Variants in RCAN3 observed in about 807,000 individuals in gnomAD.
RCAN3 encodes regulator of calcineurin 3, also known as calcipressin-3.
In RCAN3, 19 loss-of-function variants were observed where a neutral mutation model predicts 21.9. The ratio of observed to expected loss-of-function variants is 0.87; its 90% CI spans 0.61 to 1.27. The LOEUF is 1.27. Among genes scored for constraint, RCAN3 ranks in the 50% most tolerant of loss-of-function variants. The probability of loss-of-function intolerance (pLI) is 0.00; values close to 1 mark genes in which losing one functional copy is unlikely to be tolerated. For synonymous variants in RCAN3, 114 were observed against 112.3 expected (o/e 1.01, Z -0.09); for missense variants, 240 against 300.1 (o/e 0.80, Z 1.48).
Position 24,538,192 on chromosome 1 carries a change from A to C in RCAN3, c.*2915A>C, listed in dbSNP as rs977584249. ...TTCCAGTGAGCATCTCTGAGGTTTA[A>C]GGTACTAAGAGGCAGAAGTGGATAG... On this transcript the variant is annotated 3_prime_UTR_variant, in exon 5 of 5. Coordinates refer to ENST00000374395, the MANE Select transcript of RCAN3 (RefSeq NM_013441.4). The C allele has an allele frequency of 6.6e-6, 1 of 152,164 alleles. No individual in the cohort carries two copies. The highest frequency in any genetic ancestry group is 2.1e-4 in the South Asian group (1 of 4,826). 9.4% of individuals were successfully genotyped at this position (152,164 alleles called of 1,614,324 possible).
At chr1:24,528,401 G>A (rs1649452063) in intron 2 of RCAN3, among the ~76,000 whole-genome samples, 1 of 152,114 alleles carries the variant, frequency 6.6e-6, no homozygotes, top group Non-Finnish European at 1.5e-5. Context: ...GTCAAACTGT[G>A]TTTATTTACA....
chr1:24,539,742 G>C lies in RCAN3; in HGVS notation c.*4465G>C, dbSNP rs1650409073. The stretch of plus-strand genomic sequence containing the variant: ...CAGTGGAAAATGTGCTCAATGCTAT[G>C]GTGCGTCAGGCCCTCTGTCTACCAG... On this transcript the variant is annotated 3_prime_UTR_variant, in exon 5 of 5. Transcript: ENST00000374395. 1 of 152,198 alleles carries C rather than the reference G, an allele frequency of 6.6e-6. No homozygotes were observed. Among genetic ancestry groups the C allele is most frequent in the South Asian group, 2.1e-4 (1 of 4,822 alleles). The allele number at this position is 152,198 out of a possible 1,614,324, so 9.4% of individuals were successfully genotyped here. A position where few individuals can be genotyped will look rare whatever the true frequency, so the allele number is the denominator to read the frequency against.
intron 3 of RCAN3, among the ~76,000 whole-genome samples, chr1:24,532,588 T>C (rs1649852902): frequency 6.6e-6 from 1 of 151,878 alleles, no homozygotes; most frequent in African/African-American, 2.4e-5. Flanking sequence ...GGCCATGTGC[T>C]GTACACTGAG....
At chr1:24,533,634 T>C (rs1357422551) in intron 4 of RCAN3, among the ~76,000 whole-genome samples, 1 of 152,108 alleles carries the variant, frequency 6.6e-6, no homozygotes, top group Non-Finnish European at 1.5e-5. Flanking sequence ...ACCCCGTCTC[T>C]ACTAAAATAT....
At chr1:24,523,635 C>CAT (rs1196241572) in intron 2 of RCAN3, among the ~76,000 whole-genome samples, 2 of 139,708 alleles carry the variant, frequency 1.4e-5, no homozygotes, top group African/African-American at 2.8e-5. Context: ...CACACACACA[C>CAT]ACACACATAT....
chr1:24,521,563 T>C (rs1000764715), intron 2 of RCAN3, among the ~76,000 whole-genome samples: 1 of 152,138 alleles, frequency 6.6e-6, no homozygotes, highest in Non-Finnish European at 1.5e-5. Context: ...AAAGTATCAT[T>C]TAGGCTGGGC....
intron 2 of RCAN3, among the ~76,000 whole-genome samples, chr1:24,524,473 A>G (rs1384925700): frequency 2.0e-5 from 3 of 152,224 alleles, no homozygotes; most frequent in Non-Finnish European, 2.9e-5. Flanking sequence ...GAATTTTACA[A>G]GTACTCAGAT....
rs1650297906 is a variant in RCAN3, at chr1:24,537,563, G to A, written c.*2286G>A. 1 of 151,140 alleles carries A rather than the reference G, an allele frequency of 6.6e-6. No homozygotes were observed. Among genetic ancestry groups the A allele is most frequent in the African/African-American group, 2.4e-5 (1 of 41,052 alleles). The allele number at this position is 151,140 out of a possible 1,614,324, so 9.4% of individuals were successfully genotyped here. ...CATGGTTTTTTTTTTCTTTTAATAGGCTTTTCTGCAATTTTTTTGAAATTG... is the reference window on the plus strand; with the variant it reads ...CATGGTTTTTTTTTTCTTTTAATAGACTTTTCTGCAATTTTTTTGAAATTG... On this transcript the variant is annotated 3_prime_UTR_variant, in exon 5 of 5. Coordinates refer to ENST00000374395, the MANE Select transcript of RCAN3 (RefSeq NM_013441.4).
intron 1 of RCAN3, among the ~76,000 whole-genome samples, chr1:24,511,409 G>A (rs1477878206): frequency 6.6e-6 from 1 of 151,760 alleles, no homozygotes; most frequent in Non-Finnish European, 1.5e-5. Flanking sequence ...GAACACCCAC[G>A]ACGTGTATTC....
chr1:24,524,825 TTTG>T (rs1649123747), intron 2 of RCAN3, among the ~76,000 whole-genome samples: 1 of 112,752 alleles, frequency 8.9e-6, no homozygotes, highest in African/African-American at 4.5e-5. Flanking sequence ...TTTGTTTTCT[TTTG>T]TTTTTTTTTT....
chr1:24,532,948 CAAAAAAAAAAAAA>C (rs756973308), intron 3 of RCAN3, 122 bp from the exon 4 acceptor site: 15 of 93,222 alleles, frequency 1.6e-4, no homozygotes, highest in Non-Finnish European at 1.9e-4. Flanking sequence ...GACTCCGTCT[CAAAAAAAAAAAAA>C]AAAAAAAAAA....
rs1650139397 is a variant in RCAN3, at chr1:24,535,230, C to G, written c.679C>G (p.Pro227Ala). 1.3e-6 allele frequency: 2 copies of G among 1,583,386 alleles called. No individual in the cohort carries two copies. The highest frequency in any genetic ancestry group is 1.7e-6 in the Non-Finnish European group (2 of 1,169,884). The change falls in exon 5 of 5, where the codon CCG (proline) becomes GCG (alanine). Residue 227 changes from proline (P) to alanine (A), a missense_variant. Coordinates refer to ENST00000374395, the MANE Select transcript of RCAN3 (RefSeq NM_013441.4). ...KIAQTRRPDP[P>A]TAALNEPQTF... ...TGCCCAGACGAGGCGCCCCGACCCTCCGACCGCAGCGTTGAATGAGCCCCA... is the reference window on the plus strand; with the variant it reads ...TGCCCAGACGAGGCGCCCCGACCCTGCGACCGCAGCGTTGAATGAGCCCCA...
chr1:24,503,996 A>C (rs1647263494), intron 1 of RCAN3, among the ~76,000 whole-genome samples: 1 of 152,238 alleles, frequency 6.6e-6, no homozygotes, highest in South Asian at 2.1e-4. Flanking sequence ...AAACTCTGTA[A>C]ACACATAATT....
intron 1 of RCAN3, among the ~76,000 whole-genome samples, chr1:24,511,705 G>A (rs1248944791): frequency 1.3e-5 from 2 of 152,228 alleles, no homozygotes; most frequent in African/African-American, 4.8e-5. Flanking sequence ...GAACATGTCA[G>A]ACATGAAGTG....
chr1:24,518,051 A>G (rs1433740659), intron 2 of RCAN3, among the ~76,000 whole-genome samples: 1 of 152,062 alleles, frequency 6.6e-6, no homozygotes, highest in African/African-American at 2.4e-5. Flanking sequence ...CTGGCTGGGC[A>G]CATTGGCTCA....
At chr1:24,511,366 TA>T (rs1647871934) in intron 1 of RCAN3, among the ~76,000 whole-genome samples, 1 of 152,136 alleles carries the variant, frequency 6.6e-6, no homozygotes, top group Admixed American at 6.5e-5. Flanking sequence ...ATGTATTGGT[TA>T]AGGACACCCA....
Position 24,540,541 on chromosome 1 carries a change from G to A in RCAN3, c.*5264G>A, listed in dbSNP as rs889899703. 6.6e-6 allele frequency: 1 copy of A among 152,132 alleles called. No homozygotes were observed. The highest frequency in any genetic ancestry group is 2.1e-4 in the South Asian group (1 of 4,828). The allele number at this position is 152,132 out of a possible 1,614,324, so 9.4% of individuals were successfully genotyped here. A position where few individuals can be genotyped will look rare whatever the true frequency, so the allele number is the denominator to read the frequency against. Reference sequence around the variant, plus strand: ...AATTGGGGACTGAGGAGAGAGAAAGGTGGTTACCCCTGTTACCGTGCCATA... The same window carrying A: ...AATTGGGGACTGAGGAGAGAGAAAGATGGTTACCCCTGTTACCGTGCCATA... On this transcript the variant is annotated 3_prime_UTR_variant, in exon 5 of 5. Transcript: ENST00000374395.
intron 2 of RCAN3, among the ~76,000 whole-genome samples, chr1:24,515,269 C>G (rs910597893): frequency 6.6e-6 from 1 of 152,084 alleles, no homozygotes; most frequent in African/African-American, 2.4e-5. Flanking sequence ...CAGCTTTTTC[C>G]TGGGGCTGAT....
intron 1 of RCAN3, among the ~76,000 whole-genome samples, chr1:24,512,389 C>T (rs1446948839): frequency 9.2e-5 from 14 of 151,612 alleles, no homozygotes; most frequent in Admixed American, 2.0e-4. Flanking sequence ...GCTGATGGAA[C>T]GAGGTTCTTT....
Sources: allele counts gnomAD v4.1 joint callset (sites outside exome capture counted in the v4.1 genomes callset), GRCh38; gene constraint gnomAD v4.1.1; transcripts MANE v1.5; gene names NCBI Gene and HGNC (gene_info 2026-07-23, HGNC 2026-07-21).